The following SLC29A3 variants were observed in gnomAD, a reference collection of about 807,000 sequenced individuals.
SLC29A3 encodes equilibrative nucleoside transporter 3.
In SLC29A3, 18 loss-of-function variants were observed where a neutral mutation model predicts 25.4. The ratio of observed to expected loss-of-function variants is 0.71; its 90% CI spans 0.49 to 1.05. SLC29A3 has a LOEUF of 1.05. Ranked by LOEUF, SLC29A3 falls within the 50% of genes least tolerant of loss-of-function variation. The probability of loss-of-function intolerance (pLI) is 0.00; values close to 1 mark genes in which losing one functional copy is unlikely to be tolerated. For missense variants in SLC29A3, 586 were observed against 609.0 expected (o/e 0.96, Z 0.40); for synonymous variants, 258 against 267.1 (o/e 0.97, Z 0.33).
At chr10:71,336,787 A>C (rs985841729) in intron 2 of SLC29A3, among the ~76,000 whole-genome samples, 13 of 151,954 alleles carry the variant, frequency 8.6e-5, no homozygotes, top group Admixed American at 5.9e-4. Context: ...TGCAAGGAGG[A>C]AGGCGGGGAA....
intron 3 of SLC29A3, among the ~76,000 whole-genome samples, chr10:71,346,471 G>C (rs1191378825): frequency 6.6e-6 from 1 of 152,186 alleles, no homozygotes; most frequent in Non-Finnish European, 1.5e-5. Flanking sequence ...GGCCAAGTCA[G>C]GAGGATTGCT....
chr10:71,324,873 C>A (rs978639575), intron 2 of SLC29A3, among the ~76,000 whole-genome samples: 6 of 152,080 alleles, frequency 3.9e-5, no homozygotes, highest in African/African-American at 1.4e-4. Flanking sequence ...AGGCAGAAGT[C>A]AGGACTGGGG....
At chr10:71,374,986 C>A (rs1310382198) in intron 3 of SLC29A3, among the ~76,000 whole-genome samples, 1 of 152,188 alleles carries the variant, frequency 6.6e-6, no homozygotes, top group Non-Finnish European at 1.5e-5. Context: ...TGGTACATAT[C>A]AAATCCTGCT....
chr10:71,344,093 G>A (rs1359556815), intron 2 of SLC29A3, 116 bp from the exon 3 acceptor site: 6 of 859,340 alleles, frequency 7.0e-6, no homozygotes, highest in Non-Finnish European at 7.9e-6. Flanking sequence ...CGGCTCCTGG[G>A]TGTCTGAAGA....
At chr10:71,327,447 G>T (rs149650151) in intron 2 of SLC29A3, among the ~76,000 whole-genome samples, 1 of 152,190 alleles carries the variant, frequency 6.6e-6, no homozygotes, top group African/African-American at 2.4e-5. Context: ...TGCAACAGCC[G>T]CCATTGCCTG....
At chr10:71,325,915 C>CTTTTTT (rs5786034) in intron 2 of SLC29A3, among the ~76,000 whole-genome samples, 1 of 122,648 alleles carries the variant, frequency 8.2e-6, no homozygotes, top group African/African-American at 3.2e-5. Context: ...TATATTAGTA[C>CTTTTTT]TTTTTTTTTT....
At chr10:71,327,829 C>G (rs1846006621) in intron 2 of SLC29A3, among the ~76,000 whole-genome samples, 2 of 151,316 alleles carry the variant, frequency 1.3e-5, no homozygotes, top group Admixed American at 1.3e-4. Flanking sequence ...ACACCTGGGT[C>G]CTGGACCCAG....
intron 5 of SLC29A3, among the ~76,000 whole-genome samples, chr10:71,356,997 G>A (rs2131845496): frequency 6.6e-6 from 1 of 152,318 alleles, no homozygotes; most frequent in Non-Finnish European, 1.5e-5. Context: ...GGCCAGGCTG[G>A]AGTGCAGGGA....
Position 71,361,000 on chromosome 10 carries a change from G to T in SLC29A3, c.774-954G>T, listed in dbSNP as rs557322538. 1.1e-4 allele frequency among the ~76,000 whole-genome samples: 17 copies of T among 152,282 alleles called. No individual in the cohort carries two copies. In the East Asian group the frequency reaches 3.3e-3, roughly 29 times the overall value. Reference sequence around the variant, plus strand: ...TTTATATATATTATTTACAGATATTGTATTTAGGCATTACACTGTTGCAGA... The same window carrying T: ...TTTATATATATTATTTACAGATATTTTATTTAGGCATTACACTGTTGCAGA... On this transcript the variant is annotated intron_variant, in intron 5 of 5. Transcript: ENST00000373189.
At chr10:71,355,763 G>T (rs1846887933) in intron 4 of SLC29A3, among the ~76,000 whole-genome samples, 1 of 152,178 alleles carries the variant, frequency 6.6e-6, no homozygotes, top group South Asian at 2.1e-4. Context: ...GAGAGATGGA[G>T]GTTGAGGGTC....
intron 5 of SLC29A3, among the ~76,000 whole-genome samples, chr10:71,357,414 C>CA (rs111811436): frequency 1.4e-3 from 194 of 141,670 alleles, no homozygotes; most frequent in Non-Finnish European, 1.8e-3. Context: ...GCCTCCATCT[C>CA]AAAAAAAAAA....
intron 1 of SLC29A3, chr10:71,319,602 A>C (rs1414689144): frequency 2.8e-6 from 1 of 363,158 alleles, no homozygotes; most frequent in Non-Finnish European, 4.9e-6. Flanking sequence ...CGTCGGCCCG[A>C]AGTATCCAGA....
chr10:71,376,777 G>GTTTTT (rs1362383633), intron 4 of SLC29A3, among the ~76,000 whole-genome samples: 4 of 152,040 alleles, frequency 2.6e-5, no homozygotes, highest in Non-Finnish European at 5.9e-5. Flanking sequence ...GTTTTGTTTT[G>GTTTTT]TTTTGAGATG....
In SLC29A3 at chr10:71,335,421, C is replaced by T. The variant is rs79323591; in HGVS notation, c.301-8788C>T. On this transcript the variant is annotated intron_variant, in intron 2 of 5. Transcript: ENST00000373189. ...GCAAGGTGCAGGAGGGGCCTGGAAG[C>T]GAGGCTGCAAGGAGGAGGGGCGTGG... Among the ~76,000 whole-genome samples the T allele has an allele frequency of 9.6e-3, 1,468 of 152,236 alleles. 21 individuals carry two copies. The highest frequency in any genetic ancestry group is 0.033 in the African/African-American group (1,366 of 41,520).
intron 3 of SLC29A3, among the ~76,000 whole-genome samples, chr10:71,348,248 T>C (rs915501616): frequency 1.3e-5 from 2 of 152,246 alleles, no homozygotes; most frequent in Non-Finnish European, 2.9e-5. Context: ...GCCTCATCTT[T>C]CCAGCCTGGC....
chr10:71,334,512 A>G (rs1409241047), intron 2 of SLC29A3, among the ~76,000 whole-genome samples: 1 of 152,120 alleles, frequency 6.6e-6, no homozygotes, highest in Non-Finnish European at 1.5e-5. Context: ...TTGTTTATGC[A>G]TTTGCTAGCC....
chr10:71,349,493 TAACTC>T (rs1298309015), intron 3 of SLC29A3, among the ~76,000 whole-genome samples: 3 of 147,820 alleles, frequency 2.0e-5, no homozygotes, highest in African/African-American at 4.9e-5. Context: ...TGCTAATTCC[TAACTC>T]AACCCCAGGG....
rs896791098 is a variant in SLC29A3 at position 71,363,360 on chromosome 10, G to C, written c.*752G>C. On this transcript the variant is annotated 3_prime_UTR_variant, in exon 6 of 6. Coordinates refer to ENST00000373189, the MANE Select transcript of SLC29A3 (RefSeq NM_018344.6). ...AACATGTCAAAGCCATTGGTTCAAG[G>C]GCGTAATAAATACTTGCGTATTCAA... is the stretch of plus-strand genomic sequence containing the variant. The C allele has an allele frequency of 1.5e-5, 7 of 453,972 alleles. No individual in the cohort carries two copies. Among genetic ancestry groups the C allele is most frequent in the African/African-American group, 1.2e-4 (6 of 49,996 alleles). 28.1% of individuals were successfully genotyped at this position (453,972 alleles called of 1,614,324 possible). A position where few individuals can be genotyped will look rare whatever the true frequency, so the allele number is the denominator to read the frequency against.
intron 5 of SLC29A3, among the ~76,000 whole-genome samples, chr10:71,357,184 G>A (rs1846936243): frequency 6.6e-6 from 1 of 152,126 alleles, no homozygotes; most frequent in Non-Finnish European, 1.5e-5. Context: ...GGAGGCCAAG[G>A]CAGGCCGGAT....
Sources: gnomAD v4.1 joint callset for allele counts (sites outside exome capture counted in the v4.1 genomes callset) on GRCh38, gnomAD v4.1.1 for gene constraint, MANE v1.5 for transcripts, NCBI Gene and HGNC (gene_info 2026-07-23, HGNC 2026-07-21) for gene names.